The following ABCC2 variants were observed in gnomAD, a reference collection of about 807,000 sequenced individuals.
ABCC2 encodes ATP binding cassette subfamily C member 2, also known as ATP-binding cassette sub-family C member 2.
In ABCC2, 157 loss-of-function variants were observed where a neutral mutation model predicts 173.4. That is an observed-to-expected ratio of 0.91 (90% CI 0.80 to 1.03). The LOEUF is 1.03. ABCC2 is among the 50% of genes least tolerant of loss of function. The pLI, the probability that ABCC2 is intolerant of heterozygous loss-of-function variation, is 0.00. For synonymous variants in ABCC2, 657 were observed against 693.5 expected, an observed-to-expected ratio of 0.95 and a Z score of 0.83; for missense variants, 1,822 against 1,852.3, an observed-to-expected ratio of 0.98 and a Z score of 0.30.
At position 99,834,506 on chromosome 10, in the gene ABCC2, C is replaced by T; in HGVS notation, c.3385C>T (p.Pro1129Ser). Residue 1129 changes from proline (P) to serine (S), a missense_variant, in exon 24 of 32, where the codon CCT becomes TCT. Pro to Ser is a moderately conservative substitution (Grantham distance 74, BLOSUM62 -1). Coordinates refer to ENST00000647814, the MANE Select transcript of ABCC2 (RefSeq NM_000392.5). ...ATPVFTIIVI[P>S]LGIIYVSVQM... ...TCCTGTCTTCACCATCATCGTCATT[C>T]CTCTTGGCATTATTTATGTATCTGT... 3 of 1,614,188 alleles carry T rather than the reference C, an allele frequency of 1.9e-6. No individual in the cohort carries two copies. Among genetic ancestry groups the T allele is most frequent in the Non-Finnish European group, 2.5e-6 (3 of 1,180,026 alleles).
chr10:99,793,991 T>C lies in ABCC2; in HGVS notation c.568T>C (p.Ser190Pro), dbSNP rs149329378. The C allele has an allele frequency of 1.2e-6, 2 of 1,602,210 alleles. No individual in the cohort carries two copies. Among genetic ancestry groups the C allele is most frequent in the African/African-American group, 2.7e-5 (2 of 74,718 alleles). Residue 190 changes from serine (S) to proline (P), a missense_variant, in exon 5 of 32, where the codon TCA (serine) becomes CCA (proline). Coordinates refer to ENST00000647814, the MANE Select transcript of ABCC2 (RefSeq NM_000392.5). Reference sequence around the variant, plus strand: ...TTCAGCATTTTCAGAAAATAATGAGTCATCAAATGTGAGATTCTAAATATG... The same window carrying C: ...TTCAGCATTTTCAGAAAATAATGAGCCATCAAATGTGAGATTCTAAATATG... ...IFSAFSENNE[S>P]SNNPSSIASF...
intron 5 of ABCC2, 142 bp from the exon 6 acceptor site, chr10:99,794,271 C>T (rs2037858658): frequency 1.2e-6 from 1 of 850,010 alleles, no homozygotes; most frequent in East Asian, 2.6e-5. Context: ...TCCAAATAAA[C>T]ACATGTTGAT....
chr10:99,848,071 A>T (rs902508210), intron 30 of ABCC2, among the ~76,000 whole-genome samples: 1 of 152,202 alleles, frequency 6.6e-6, no homozygotes, highest in Non-Finnish European at 1.5e-5. Flanking sequence ...GTCCAATCCT[A>T]GAGTCTGATT....
chr10:99,791,836 AG>A (rs1338201346), intron 2 of ABCC2, among the ~76,000 whole-genome samples: 4 of 152,226 alleles, frequency 2.6e-5, no homozygotes, highest in African/African-American at 9.6e-5. Context: ...ACAGAGAACA[AG>A]GAGAAATAAT....
chr10:99,845,228 T>C (rs929663937), intron 28 of ABCC2, among the ~76,000 whole-genome samples: 1 of 152,090 alleles, frequency 6.6e-6, no homozygotes, highest in Non-Finnish European at 1.5e-5. Context: ...AGACGGGGTT[T>C]TGCCATATTG....
At chr10:99,792,420 A>G in intron 3 of ABCC2, 61 bp downstream of exon 3, 1 of 1,596,606 alleles carries the variant, frequency 6.3e-7, no homozygotes, top group South Asian at 1.1e-5. Context: ...ATCTAGGTGA[A>G]ATGTACTCTT....
chr10:99,802,864 A>G (rs1180406097), intron 9 of ABCC2, among the ~76,000 whole-genome samples: 3 of 152,224 alleles, frequency 2.0e-5, no homozygotes, highest in South Asian at 2.1e-4. Context: ...ACCTGTGGCT[A>G]TCAGCCTCCT....
At chr10:99,841,113 T>G (rs950400675) in intron 25 of ABCC2, among the ~76,000 whole-genome samples, 13 of 152,270 alleles carry the variant, frequency 8.5e-5, no homozygotes, top group South Asian at 2.1e-4. Flanking sequence ...ACCCTCAGCT[T>G]CTTCTTCCCC....
intron 19 of ABCC2, among the ~76,000 whole-genome samples, chr10:99,822,016 G>A (rs370504577): frequency 0.01 from 1,528 of 152,162 alleles, 24 homozygotes; most frequent in Middle Eastern, 0.041. Context: ...ATACCCAATG[G>A]AAATATTTAT....
Position 99,834,492 on chromosome 10 carries a change from C to A in ABCC2, c.3371C>A (p.Thr1124Asn). 6 of 1,614,170 alleles carry A rather than the reference C, an allele frequency of 3.7e-6. No individual in the cohort carries two copies. Among genetic ancestry groups the A allele is most frequent in the Non-Finnish European group, 5.1e-6 (6 of 1,180,032 alleles). The change falls in exon 24 of 32, where the codon ACC becomes AAC. Residue 1124 changes from threonine (T) to asparagine (N), a missense_variant. By Grantham distance (65) the Thr-to-Asn change is moderately conservative. Transcript: ENST00000647814. ...ATCTGCATGGCCACTCCTGTCTTCA[C>A]CATCATCGTCATTCCTCTTGGCATT... ...VMICMATPVFTIIVIPLGIIY... is the reference protein window; with the variant it reads ...VMICMATPVFNIIVIPLGIIY...
chr10:99,850,630 G>A lies in ABCC2; in HGVS notation c.4342G>A (p.Gly1448Ser), dbSNP rs972986184. Residue 1448 changes from glycine (G) to serine (S), a missense_variant, in exon 31 of 32, where the codon GGC (glycine) becomes AGC (serine). By Grantham distance (56) the Gly-to-Ser change is moderately conservative. Transcript: ENST00000647814. ...SIGQRQLLCL[G>S]RALLRKSKIL... ...AGGCCAGAGGCAGCTGCTGTGCCTG[G>A]GCAGGGCTCTGCTTCGGAAATCCAA... The A allele has an allele frequency of 1.2e-6, 2 of 1,614,056 alleles. No homozygotes were observed. Among genetic ancestry groups the A allele is most frequent in the African/African-American group, 2.7e-5 (2 of 74,914 alleles).
chr10:99,832,172 T>C (rs914290340), intron 23 of ABCC2, 41 bp downstream of exon 23: 1 of 1,613,202 alleles, frequency 6.2e-7, no homozygotes, highest in Non-Finnish European at 8.5e-7. Context: ...GTTTATATAC[T>C]GAGGATCTTT....
At chr10:99,794,298 C>T (rs1363285094) in intron 5 of ABCC2, 115 bp from the exon 6 acceptor site, 1 of 996,302 alleles carries the variant, frequency 1.0e-6, no homozygotes, top group Non-Finnish European at 1.6e-6. Context: ...ACTTTAACAT[C>T]ATATCTAGTT....
At chr10:99,838,612 A>C (rs1197909039) in intron 25 of ABCC2, among the ~76,000 whole-genome samples, 1 of 5,568 alleles carries the variant, frequency 1.8e-4, no homozygotes, top group African/African-American at 7.4e-4. Context: ...GGGGCTCCTC[A>C]CTTCCCAGTA....
chr10:99,784,548 A>G, intron 1 of ABCC2, 60 bp from the exon 2 acceptor site: 1 of 1,546,472 alleles, frequency 6.5e-7, no homozygotes, highest in South Asian at 1.1e-5. Context: ...GATGTGCTGC[A>G]GGGTGGTTTT....
chr10:99,794,685 C>G (rs2037868335), intron 6 of ABCC2: 2 of 513,086 alleles, frequency 3.9e-6, no homozygotes, highest in Non-Finnish European at 7.0e-6. Flanking sequence ...GCTGGGATTA[C>G]AGGTGTGAGC....
chr10:99,841,667 T>C (rs145200278), intron 25 of ABCC2, among the ~76,000 whole-genome samples: 1 of 152,326 alleles, frequency 6.6e-6, no homozygotes, highest in African/African-American at 2.4e-5. Flanking sequence ...TGTAACATTG[T>C]ATATTAACAG....
intron 16 of ABCC2, among the ~76,000 whole-genome samples, chr10:99,813,446 T>C (rs979982428): frequency 1.6e-4 from 25 of 152,318 alleles, no homozygotes; most frequent in African/African-American, 5.8e-4. Context: ...CCAGGCACGG[T>C]GGCTCACGCC....
rs1347530825 is a variant in ABCC2, at chr10:99,807,536, G to A, written c.1668+15G>A. On this transcript the variant is annotated intron_variant, in intron 12 of 31. Coordinates refer to ENST00000647814, the MANE Select transcript of ABCC2 (RefSeq NM_000392.5). ...CTCCAGTCCTGGTGAGTAGCAGAGG[G>A]GTCCATGGGCTGCGTATTCACCTGG... The A allele has an allele frequency of 8.7e-6, 14 of 1,613,854 alleles. No homozygotes were observed. The highest frequency in any genetic ancestry group is 1.2e-5 in the Non-Finnish European group (14 of 1,179,932).
Sources: gnomAD v4.1 joint callset for allele counts (sites outside exome capture counted in the v4.1 genomes callset) on GRCh38, gnomAD v4.1.1 for gene constraint, MANE v1.5 for transcripts, NCBI Gene and HGNC (gene_info 2026-07-23, HGNC 2026-07-21) for gene names.